Variants in TAF1 observed in about 807,000 individuals in gnomAD.
TAF1 encodes transcription initiation factor TFIID subunit 1.
Under a neutral mutation model 138.5 loss-of-function variants are expected in TAF1, and 2 were observed. The ratio of observed to expected loss-of-function variants is 0.01; its 90% CI spans 0.01 to 0.05. The LOEUF (loss-of-function observed/expected upper bound fraction) is 0.05, where lower values mean the gene tolerates loss of function less well. TAF1 is among the 10% of genes least tolerant of loss of function. The pLI, the probability that TAF1 is intolerant of heterozygous loss-of-function variation, is 1.00. For missense variants in TAF1, 709 were observed against 1,478.0 expected (o/e 0.48, Z 8.53); for synonymous variants, 437 against 503.2 (o/e 0.87, Z 1.76).
intron 34 of TAF1, among the ~76,000 whole-genome samples, chrX:71,455,930 T>C (rs1229426962): frequency 1.8e-5 from 2 of 111,342 alleles, no homozygotes; most frequent in Non-Finnish European, 3.8e-5. Flanking sequence ...ACTCTCTCTT[T>C]CATCTCACAA....
At chrX:71,437,411 A>G (rs948195081) in intron 32 of TAF1, among the ~76,000 whole-genome samples, 1 of 110,203 alleles carries the variant, frequency 9.1e-6, no homozygotes, top group Admixed American at 9.8e-5. Context: ...TTGGGACCCA[A>G]GGTATAAGTA....
intron 13 of TAF1, among the ~76,000 whole-genome samples, chrX:71,525,202 C>T (rs987010718): frequency 2.7e-5 from 3 of 109,145 alleles, no homozygotes; most frequent in East Asian, 2.9e-4. Context: ...CCACCACACC[C>T]GGCTAATTTT....
intron 18 of TAF1, among the ~76,000 whole-genome samples, chrX:71,391,146 G>A (rs374122233): frequency 1.5e-4 from 17 of 111,697 alleles, no homozygotes; most frequent in Non-Finnish European, 2.1e-4. Flanking sequence ...CTTTCTTCCC[G>A]TGGCACTGAT....
intron 13 of TAF1, among the ~76,000 whole-genome samples, chrX:71,505,348 C>T (rs964291329): frequency 2.2e-4 from 24 of 110,710 alleles, no homozygotes; most frequent in Non-Finnish European, 4.0e-4. Context: ...CCAAAAAGTA[C>T]GGTGTGGAAA....
intron 13 of TAF1, among the ~76,000 whole-genome samples, chrX:71,479,132 T>A (rs1216319106): frequency 8.9e-6 from 1 of 112,735 alleles, no homozygotes; most frequent in African/African-American, 3.2e-5. Context: ...GGGAAAACTA[T>A]ACATTGGTAA....
chrX:71,464,959 TG>T lies in TAF1; in HGVS notation c.*914del, dbSNP rs2038700955. The T allele has an allele frequency of 9.0e-6, 1 of 111,498 alleles. No individual in the cohort carries two copies. The highest frequency in any genetic ancestry group is 1.9e-5 in the Non-Finnish European group (1 of 53,113). The allele number at this position is 111,498 out of a possible 1,213,427, so 9.2% of individuals were successfully genotyped here. ...AGAAATGATAATGTTGCCACCTAAATGTTTTCTGTCCCCCCCACCCTCCCCA... is the reference window on the plus strand; with the variant it reads ...AGAAATGATAATGTTGCCACCTAAATTTTTCTGTCCCCCCCACCCTCCCCA... On this transcript the variant is annotated 3_prime_UTR_variant, in exon 38 of 38. Coordinates refer to ENST00000423759, the MANE Select transcript of TAF1 (RefSeq NM_004606.5).
chrX:71,490,910 T>G, intron 13 of TAF1, among the ~76,000 whole-genome samples: 1 of 109,513 alleles, frequency 9.1e-6, no homozygotes, highest in Middle Eastern at 4.7e-3. Flanking sequence ...AGAGATGGGG[T>G]TTCGCCATGT....
At chrX:71,385,997 A>C (rs764172414) in intron 14 of TAF1, among the ~76,000 whole-genome samples, 1 of 110,253 alleles carries the variant, frequency 9.1e-6, no homozygotes, top group Non-Finnish European at 1.9e-5. Context: ...CTCTGCCTCT[A>C]CTCAAAATAC....
At chrX:71,395,192 A>G (rs2034781999) in intron 22 of TAF1, among the ~76,000 whole-genome samples, 1 of 111,697 alleles carries the variant, frequency 9.0e-6, no homozygotes, top group African/African-American at 3.3e-5. Context: ...TACTAGAAAG[A>G]TGTTGGTACC....
At chrX:71,461,880 G>A (rs1208089839) in intron 37 of TAF1, among the ~76,000 whole-genome samples, 4 of 111,161 alleles carry the variant, frequency 3.6e-5, no homozygotes, top group Non-Finnish European at 7.5e-5. Context: ...TGGGGAGGGA[G>A]GAGAGCTGGC....
chrX:71,490,873 A>T (rs2147534876), intron 13 of TAF1, among the ~76,000 whole-genome samples: 1 of 108,334 alleles, frequency 9.2e-6, no homozygotes, highest in Non-Finnish European at 1.9e-5. Flanking sequence ...GAATACAGGC[A>T]TGTGCCACCA....
intron 36 of TAF1, 133 bp downstream of exon 36, chrX:71,459,841 C>A (rs192648208): frequency 1.8e-5 from 19 of 1,047,489 alleles, no homozygotes; most frequent in Non-Finnish European, 2.0e-5. Flanking sequence ...ATTAATAGAC[C>A]TGAGAGTACT....
At chrX:71,372,413 CAA>C (rs111942499) in intron 3 of TAF1, among the ~76,000 whole-genome samples, 752 of 59,549 alleles carry the variant, frequency 0.013, 13 homozygotes, top group African/African-American at 0.05. Flanking sequence ...GCCTGGGTGA[CAA>C]GAGTGAAACT....
intron 3 of TAF1, 132 bp from the exon 4 acceptor site, chrX:71,375,035 C>T (rs557146850): frequency 1.3e-4 from 112 of 873,910 alleles, no homozygotes; most frequent in African/African-American, 2.4e-4. Flanking sequence ...GAGATTGCAC[C>T]GCTGCACTCC....
intron 32 of TAF1, among the ~76,000 whole-genome samples, chrX:71,430,682 A>T (rs1462256788): frequency 8.9e-6 from 1 of 111,897 alleles, no homozygotes; most frequent in Non-Finnish European, 1.9e-5. Context: ...GTTGCCATGG[A>T]ATTGAATTAC....
intron 28 of TAF1, among the ~76,000 whole-genome samples, chrX:71,417,442 A>G (rs2036075080): frequency 1.8e-5 from 2 of 111,080 alleles, no homozygotes; most frequent in Non-Finnish European, 3.8e-5. Flanking sequence ...ATGCAGTCTC[A>G]GTATCCCTGG....
In TAF1 at chrX:71,459,477, G is replaced by A. The variant is rs1172260981; in HGVS notation, c.5065-75G>A. The A allele has an allele frequency of 1.6e-5, 19 of 1,153,849 alleles. No homozygotes were observed. In the East Asian group the frequency reaches 5.2e-4, roughly 32 times the overall value. On this transcript the variant is annotated intron_variant, in intron 35 of 37. Transcript: ENST00000423759. ...GGGATGGGCGGGGCGGGGAGGGGGG[G>A]TGTGCCTGGTGGTGGCTTCTGGTCT...
intron 32 of TAF1, among the ~76,000 whole-genome samples, chrX:71,436,117 G>A (rs2037128448): frequency 1.1e-5 from 1 of 94,755 alleles, no homozygotes; most frequent in African/African-American, 4.0e-5. Flanking sequence ...GTGTGATCAT[G>A]GGTCATTGCA....
intron 28 of TAF1, among the ~76,000 whole-genome samples, chrX:71,410,727 G>A (rs1244173920): frequency 1.8e-5 from 2 of 110,393 alleles, no homozygotes; most frequent in Admixed American, 9.7e-5. Flanking sequence ...AAAGTGCTGG[G>A]ATTACAGGCA....
Sources: allele counts gnomAD v4.1 joint callset (sites outside exome capture counted in the v4.1 genomes callset), GRCh38; gene constraint gnomAD v4.1.1; transcripts MANE v1.5; gene names NCBI Gene and HGNC (gene_info 2026-07-23, HGNC 2026-07-21).